Variants in KCNAB2 observed in about 807,000 individuals in gnomAD.
The protein encoded by KCNAB2 is potassium voltage-gated channel subfamily A regulatory beta subunit 2.
A neutral mutation model predicts 63.6 loss-of-function variants in KCNAB2; 29 were observed. The observed-to-expected ratio is 0.46, with a 90% confidence interval of 0.34 to 0.62. The LOEUF (loss-of-function observed/expected upper bound fraction) is 0.62, where lower values mean the gene tolerates loss of function less well. Among genes scored for constraint, KCNAB2 ranks in the 20% least tolerant of loss-of-function variants. The pLI, the probability that KCNAB2 is intolerant of heterozygous loss-of-function variation, is 0.01. For synonymous variants in KCNAB2, 222 were observed against 224.2 expected, an observed-to-expected ratio of 0.99 and a Z score of 0.09; for missense variants, 359 against 563.9, an observed-to-expected ratio of 0.64 and a Z score of 3.68.
At chr1:6,052,439 A>G (rs1366650805) in intron 2 of KCNAB2, among the ~76,000 whole-genome samples, 4 of 152,148 alleles carry the variant, frequency 2.6e-5, no homozygotes, top group African/African-American at 9.7e-5. Context: ...AAAAAAAAAA[A>G]AAAGTTTAGT....
chr1:6,010,096 C>CA (rs1161023955), intron 1 of KCNAB2, among the ~76,000 whole-genome samples: 1 of 152,138 alleles, frequency 6.6e-6, no homozygotes, highest in East Asian at 1.9e-4. Context: ...AGGCTGGTCT[C>CA]AAACTCCTGG....
At chr1:6,049,526 C>T (rs1279659780) in intron 1 of KCNAB2, among the ~76,000 whole-genome samples, 1 of 152,224 alleles carries the variant, frequency 6.6e-6, no homozygotes, top group African/African-American at 2.4e-5. Context: ...GAGCCATGCC[C>T]ATCAGACAGA....
Position 6,046,037 on chromosome 1 carries a change from ACTCAT to A in KCNAB2, c.-167_-163del. The stretch of plus-strand genomic sequence containing the variant: ...TGCCTCAAAACTCGACTCTGGTGGG[ACTCAT>A]CTCATTCACCAATTGCTTCTGACGT... On this transcript the variant is annotated 5_prime_UTR_variant, in exon 1 of 16. It removes the in-frame stop codon of an upstream open reading frame in the 5' UTR. Transcript: ENST00000378083. 1.0e-6 allele frequency: 1 copy of A among 984,460 alleles called. No homozygotes were observed. The highest frequency in any genetic ancestry group is 1.2e-6 in the Non-Finnish European group (1 of 829,130). The allele number at this position is 984,460 out of a possible 1,614,324, so 61.0% of individuals were successfully genotyped here. A position where few individuals can be genotyped will look rare whatever the true frequency, so the allele number is the denominator to read the frequency against.
In KCNAB2 at chr1:6,086,233, A is replaced by G. The variant is rs2100739537; in HGVS notation, c.425+985A>G. On this transcript the variant is annotated intron_variant, in intron 6 of 15. Transcript: ENST00000378083. The surrounding 1 kb of genome is among the most constrained non-coding windows in gnomAD (Gnocchi z 4.2). ...AATGCCACTCAGAATCCCAGTGCCAAGGGGAGCCCCCGCCCCCTCCCCCAT... is the reference window on the plus strand; with the variant it reads ...AATGCCACTCAGAATCCCAGTGCCAGGGGGAGCCCCCGCCCCCTCCCCCAT... 2 of 985,160 alleles carry G rather than the reference A, an allele frequency of 2.0e-6. No homozygotes were observed. The highest frequency in any genetic ancestry group is 2.4e-6 in the Non-Finnish European group (2 of 829,726). The allele number at this position is 985,160 out of a possible 1,614,324, so 61.0% of individuals were successfully genotyped here. A position where few individuals can be genotyped will look rare whatever the true frequency, so the allele number is the denominator to read the frequency against.
intron 1 of KCNAB2, among the ~76,000 whole-genome samples, chr1:6,025,525 C>T (rs376359055): frequency 1.2e-4 from 18 of 152,312 alleles, no homozygotes; most frequent in Admixed American, 3.3e-4. Context: ...CAGGGAGAGG[C>T]CGCGGGGAGG....
chr1:6,057,388 G>T (rs898897788), intron 2 of KCNAB2, among the ~76,000 whole-genome samples: 3 of 152,164 alleles, frequency 2.0e-5, no homozygotes, highest in Non-Finnish European at 4.4e-5. Context: ...TTCCAGCTGG[G>T]AAGAGCTGGG....
chr1:6,006,897 G>C (rs1467127324), intron 1 of KCNAB2, among the ~76,000 whole-genome samples: 1 of 151,936 alleles, frequency 6.6e-6, no homozygotes, highest in Non-Finnish European at 1.5e-5. Flanking sequence ...AATGATAAGA[G>C]CTGTTGTCGA....
In KCNAB2 at chr1:6,094,529, C is replaced by T. The variant is rs41279458; in HGVS notation, c.732+44C>T. 11,435 of 1,517,490 alleles carry T rather than the reference C, an allele frequency of 7.5e-3. 52 individuals carry two copies. Among genetic ancestry groups the T allele is most frequent in the Middle Eastern group, 0.012 (63 of 5,350 alleles). The allele number at this position is 1,517,490 out of a possible 1,614,324, so 94.0% of individuals were successfully genotyped here. A position where few individuals can be genotyped will look rare whatever the true frequency, so the allele number is the denominator to read the frequency against. On this transcript the variant is annotated intron_variant, in intron 11 of 15. Coordinates refer to ENST00000378083, the MANE Select transcript of KCNAB2 (RefSeq NM_001199862.2). ...ATGTGTGTGTCCAGGCACAGACTCC[C>T]GGCACCGGCTGCGTATGGAGACCCC...
chr1:6,072,346 G>C (rs1571025186), intron 2 of KCNAB2, among the ~76,000 whole-genome samples: 1 of 152,236 alleles, frequency 6.6e-6, no homozygotes, highest in African/African-American at 2.4e-5. Flanking sequence ...GAGACAGGAA[G>C]AAGAGACACA....
intron 2 of KCNAB2, among the ~76,000 whole-genome samples, chr1:6,059,676 C>T (rs970989236): frequency 2.0e-5 from 3 of 152,162 alleles, no homozygotes; most frequent in Admixed American, 6.5e-5. Context: ...AAGAGAGGTG[C>T]TCGCTTGGGG....
rs765884253 is a variant in KCNAB2, at chr1:6,100,244, G to A, written c.*1670G>A. 4 of 672,748 alleles carry A rather than the reference G, an allele frequency of 5.9e-6. No homozygotes were observed. The highest frequency in any genetic ancestry group is 9.0e-6 in the Non-Finnish European group (4 of 443,480). 41.7% of individuals were successfully genotyped at this position (672,748 alleles called of 1,614,324 possible). A position where few individuals can be genotyped will look rare whatever the true frequency, so the allele number is the denominator to read the frequency against. On this transcript the variant is annotated 3_prime_UTR_variant, in exon 16 of 16. Coordinates refer to ENST00000378083, the MANE Select transcript of KCNAB2 (RefSeq NM_001199862.2). ...GAGGGGAGGAGGGGGATCAGCTTCT[G>A]CTATTACCGACCCCCCTTCATGCTG...
At chr1:6,063,770 C>T (rs1014496146) in intron 2 of KCNAB2, among the ~76,000 whole-genome samples, 1 of 152,180 alleles carries the variant, frequency 6.6e-6, no homozygotes, top group Non-Finnish European at 1.5e-5. Flanking sequence ...CATCCTGTTT[C>T]TCCATTTGTC....
intron 2 of KCNAB2, among the ~76,000 whole-genome samples, chr1:6,063,175 A>G (rs1662464855): frequency 6.6e-6 from 1 of 150,892 alleles, no homozygotes; most frequent in Non-Finnish European, 1.5e-5. Context: ...GCCCACCACC[A>G]CACCTGGCTA....
intron 13 of KCNAB2, among the ~76,000 whole-genome samples, chr1:6,095,832 G>C (rs1162635733): frequency 1.3e-5 from 2 of 151,538 alleles, no homozygotes; most frequent in Non-Finnish European, 1.5e-5. Flanking sequence ...CCCAGCCTGT[G>C]GCACAGGCCC....
chr1:6,000,388 C>T (rs910160563), intron 1 of KCNAB2, among the ~76,000 whole-genome samples: 3 of 152,170 alleles, frequency 2.0e-5, no homozygotes, highest in African/African-American at 7.2e-5. Flanking sequence ...GTGCTTTGCT[C>T]CTTGAAGGAG....
chr1:6,005,565 G>C lies in KCNAB2; in HGVS notation c.-53+12777G>C, dbSNP rs541148645. Among the ~76,000 whole-genome samples the C allele has an allele frequency of 4.4e-4, 66 of 151,220 alleles. 4 individuals carry two copies. In the South Asian group the frequency reaches 0.013, roughly 29 times the overall value. ...GGGTCCCCCCTACCCCCCATGAGTA[G>C]GAGTGGGATCCAACCTGGGTCCCCT... On this transcript the variant is annotated intron_variant, in intron 1 of 16. Coordinates refer to the KCNAB2 transcript ENST00000341524.
chr1:6,084,581 C>T (rs533077883), intron 5 of KCNAB2, among the ~76,000 whole-genome samples: 44 of 152,194 alleles, frequency 2.9e-4, no homozygotes, highest in African/African-American at 1.0e-3. Flanking sequence ...TTTGGGAGGC[C>T]ACAGTGGGCG....
At position 6,078,143 on chromosome 1, in the gene KCNAB2, G is replaced by A. The variant is rs1294032770; in HGVS notation, c.301-4052G>A. 1.3e-5 allele frequency among the ~76,000 whole-genome samples: 2 copies of A among 152,170 alleles called. No homozygotes were observed. Among genetic ancestry groups the A allele is most frequent in the Non-Finnish European group, 2.9e-5 (2 of 68,018 alleles). On this transcript the variant is annotated intron_variant, in intron 4 of 15. Coordinates refer to ENST00000378083, the MANE Select transcript of KCNAB2 (RefSeq NM_001199862.2). The surrounding 1 kb of genome is among the most constrained non-coding windows in gnomAD (Gnocchi z 4.2). ...CCCAGCCTCTTCAGCGTCTGGCGCT[G>A]CTGGCCTTCCTTGGCCTGTGCCCGC...
At chr1:6,021,892 GT>G (rs1300977171) in intron 1 of KCNAB2, among the ~76,000 whole-genome samples, 1 of 152,006 alleles carries the variant, frequency 6.6e-6, no homozygotes, top group Non-Finnish European at 1.5e-5. Context: ...TGAGTGTACA[GT>G]TCAGTGGTAT....
Sources: gnomAD v4.1 joint callset for allele counts (sites outside exome capture counted in the v4.1 genomes callset) on GRCh38, gnomAD v4.1.1 for gene constraint, Gnocchi (gnomAD v3.1) non-coding constraint, MANE v1.5 for transcripts, NCBI Gene and HGNC (gene_info 2026-07-23, HGNC 2026-07-21) for gene names.